Variants in KLRG2 observed in about 807,000 individuals in gnomAD.
The protein encoded by KLRG2 is killer cell lectin like receptor G2.
Under a neutral mutation model 35.4 loss-of-function variants are expected in KLRG2, and 39 were observed. The ratio of observed to expected loss-of-function variants is 1.10; its 90% CI spans 0.85 to 1.44. The LOEUF is 1.44. Among genes scored for constraint, KLRG2 ranks in the 40% most tolerant of loss-of-function variants. KLRG2 has a pLI of 0.00. For synonymous variants in KLRG2, 283 were observed against 265.8 expected, an observed-to-expected ratio of 1.06 and a Z score of -0.63; for missense variants, 632 against 570.9, an observed-to-expected ratio of 1.11 and a Z score of -1.09.
chr7:139,480,336 TCACCCACCTCACCCCAG>T, intron 1 of KLRG2, 89 bp from the exon 2 acceptor site: 2 of 698,160 alleles, frequency 2.9e-6, no homozygotes, highest in East Asian at 2.8e-5. Context: ...CACCAGCATC[TCACCCACCTCACCCCAG>T]CACCCACCCC....
Position 139,480,745 on chromosome 7 carries a change from C to CT in KLRG2, c.758-499dup, listed in dbSNP as rs34710698. ...CAGGTGTGAGCCAACGCGTCTGGCC[C>CT]TTTTTTTTTTTTTTTTTTGAGACTG... is the stretch of plus-strand genomic sequence containing the variant. On this transcript the variant is annotated intron_variant, in intron 1 of 4. Transcript: ENST00000340940. Among the ~76,000 whole-genome samples, 444 of 112,920 alleles carry CT rather than the reference C, an allele frequency of 3.9e-3. 2 individuals carry two copies. Among genetic ancestry groups the CT allele is most frequent in the Middle Eastern group, 0.011 (2 of 176 alleles). The allele number at this position is 112,920 out of a possible 152,430, so 74.1% of individuals were successfully genotyped here. A position where few individuals can be genotyped will look rare whatever the true frequency, so the allele number is the denominator to read the frequency against.
intron 4 of KLRG2, 113 bp from the exon 5 acceptor site, chr7:139,453,820 G>T: frequency 1.6e-6 from 2 of 1,257,962 alleles, no homozygotes; most frequent in Non-Finnish European, 2.2e-6. Context: ...TGGGCACTGA[G>T]TGAGTCACTG....
At chr7:139,447,450 G>T in the KLRG2 span, among the ~76,000 whole-genome samples, 1 of 149,304 alleles carries the variant, frequency 6.7e-6, no homozygotes. Context: ...ACCCAGGCTG[G>T]ATTGCAGTGG....
At chr7:139,467,060 A>G (rs1796671444) in intron 3 of KLRG2, among the ~76,000 whole-genome samples, 2 of 152,030 alleles carry the variant, frequency 1.3e-5, no homozygotes, top group Non-Finnish European at 2.9e-5. Flanking sequence ...CAAACATTCT[A>G]TGGGACAAAT....
At chr7:139,442,925 A>G in the KLRG2 span, among the ~76,000 whole-genome samples, 1 of 152,090 alleles carries the variant, frequency 6.6e-6, no homozygotes, top group Non-Finnish European at 1.5e-5. Flanking sequence ...AGAGCAAGAG[A>G]AAAAACGATA....
chr7:139,479,133 A>G (rs1796908764), intron 3 of KLRG2, among the ~76,000 whole-genome samples: 2 of 152,066 alleles, frequency 1.3e-5, no homozygotes, highest in South Asian at 2.1e-4. Flanking sequence ...CCCAGGCTGG[A>G]GTGCAGTGGA....
chr7:139,450,512 T>C (rs914953358), downstream of KLRG2, among the ~76,000 whole-genome samples: 1 of 152,118 alleles, frequency 6.6e-6, no homozygotes, highest in Non-Finnish European at 1.5e-5. Flanking sequence ...GGTGAGCCAC[T>C]GCGCCTAGCC....
At chr7:139,461,702 G>A (rs1165691098) in intron 3 of KLRG2, among the ~76,000 whole-genome samples, 1 of 151,878 alleles carries the variant, frequency 6.6e-6, no homozygotes, top group Non-Finnish European at 1.5e-5. Flanking sequence ...CCCTTTGACT[G>A]TAATTATCCA....
chr7:139,427,895 C>T, the KLRG2 span, among the ~76,000 whole-genome samples: 1 of 152,144 alleles, frequency 6.6e-6, no homozygotes, highest in African/African-American at 2.4e-5. Flanking sequence ...TGTGGTTACT[C>T]GAAGGGACCA....
downstream of KLRG2, chr7:139,448,839 T>C (rs930132741): frequency 6.6e-6 from 1 of 152,208 alleles, no homozygotes; most frequent in Non-Finnish European, 1.5e-5. Flanking sequence ...ACAGGCACAG[T>C]GGCTCATACC....
chr7:139,456,022 T>TA (rs879849272), intron 3 of KLRG2, among the ~76,000 whole-genome samples: 43 of 145,576 alleles, frequency 3.0e-4, no homozygotes, highest in African/African-American at 5.0e-4. Flanking sequence ...TCATGCCATG[T>TA]AAAAAAAAAA....
At chr7:139,458,423 A>G (rs1385381310) in intron 3 of KLRG2, among the ~76,000 whole-genome samples, 1 of 152,090 alleles carries the variant, frequency 6.6e-6, no homozygotes. Flanking sequence ...AATGACATAA[A>G]ATTTACCATT....
At chr7:139,461,644 C>T (rs1796569173) in intron 3 of KLRG2, among the ~76,000 whole-genome samples, 1 of 152,142 alleles carries the variant, frequency 6.6e-6, no homozygotes, top group Admixed American at 6.5e-5. Flanking sequence ...CAAAAGCTCC[C>T]CCACTGAGCA....
chr7:139,462,396 C>G (rs1261956082), intron 3 of KLRG2, among the ~76,000 whole-genome samples: 2 of 151,472 alleles, frequency 1.3e-5, no homozygotes, highest in Non-Finnish European at 2.9e-5. Context: ...CATCCCTTCT[C>G]TCTGTGTGTC....
chr7:139,467,534 A>G (rs1282454510), intron 3 of KLRG2, among the ~76,000 whole-genome samples: 1 of 151,964 alleles, frequency 6.6e-6, no homozygotes, highest in Non-Finnish European at 1.5e-5. Context: ...CTATGACCTT[A>G]CCCCCAACGC....
chr7:139,479,541 A>G lies in KLRG2; in HGVS notation c.1005+86T>C, dbSNP rs899414002. On this transcript the variant is annotated intron_variant, in intron 3 of 4. Coordinates refer to ENST00000340940, the MANE Select transcript of KLRG2 (RefSeq NM_198508.4). ...GGTGATTTCTATAATGAAGAGCTGG[A>G]CTCAATCATTAAGCTTCTTTCCAGT... The G allele has an allele frequency of 9.0e-6, 12 of 1,331,584 alleles. No individual in the cohort carries two copies. In the African/African-American group the frequency reaches 1.7e-4, roughly 19 times the overall value. The allele number at this position is 1,331,584 out of a possible 1,614,324, so 82.5% of individuals were successfully genotyped here.
chr7:139,453,797 A>G, intron 4 of KLRG2, 90 bp from the exon 5 acceptor site: 2 of 1,488,818 alleles, frequency 1.3e-6, no homozygotes, highest in Non-Finnish European at 1.8e-6. Context: ...TGTGCCTGTC[A>G]CCTCTACCGG....
the KLRG2 span, among the ~76,000 whole-genome samples, chr7:139,431,890 G>A: frequency 6.6e-6 from 1 of 152,110 alleles, no homozygotes; most frequent in East Asian, 1.9e-4. Context: ...TTAAAAAGCA[G>A]TTGCAGGAAG....
the KLRG2 span, among the ~76,000 whole-genome samples, chr7:139,431,201 C>T: frequency 1.3e-5 from 2 of 152,074 alleles, no homozygotes; most frequent in Non-Finnish European, 2.9e-5. Context: ...CTAGAACAGG[C>T]AAAACTGGTT....
Sources: gnomAD v4.1 joint callset for allele counts (sites outside exome capture counted in the v4.1 genomes callset) on GRCh38, gnomAD v4.1.1 for gene constraint, MANE v1.5 for transcripts, NCBI Gene and HGNC (gene_info 2026-07-23, HGNC 2026-07-21) for gene names.